The following CDH12 variants were observed in gnomAD, a reference collection of about 807,000 sequenced individuals.
CDH12 encodes the protein cadherin-12.
A neutral mutation model predicts 74.1 loss-of-function variants in CDH12; 41 were observed. That is an observed-to-expected ratio of 0.55 (90% CI 0.43 to 0.72). The LOEUF is 0.72. Among genes scored for constraint, CDH12 ranks in the 30% least tolerant of loss-of-function variants. The probability of loss-of-function intolerance (pLI) is 0.00; values close to 1 mark genes in which losing one functional copy is unlikely to be tolerated. For synonymous variants in CDH12, 399 were observed against 355.0 expected (o/e 1.12, Z -1.39); for missense variants, 945 against 977.2 (o/e 0.97, Z 0.44).
intron 1 of CDH12, among the ~76,000 whole-genome samples, chr5:22,752,649 G>T (rs1745650495): frequency 2.5e-5 from 1 of 40,080 alleles, no homozygotes; most frequent in Admixed American, 3.1e-4. Flanking sequence ...TCCTCTCACT[G>T]CAAGCTCCGC....
intron 6 of CDH12, chr5:21,882,555 CCG>C: frequency 1.5e-6 from 2 of 1,294,948 alleles, no homozygotes; most frequent in Non-Finnish European, 2.2e-6. Flanking sequence ...ACCTGTCTCG[CCG>C]CGCGCATGCC....
chr5:22,459,615 C>T (rs1298527794), intron 2 of CDH12, among the ~76,000 whole-genome samples: 1 of 151,930 alleles, frequency 6.6e-6, no homozygotes, highest in Non-Finnish European at 1.5e-5. Flanking sequence ...ATAGAGAAAA[C>T]CATAATCCAT....
chr5:22,008,444 G>A (rs924632271), intron 5 of CDH12, among the ~76,000 whole-genome samples: 1 of 151,940 alleles, frequency 6.6e-6, no homozygotes. Flanking sequence ...GGCCAGGCTG[G>A]TCTCCAACTC....
intron 12 of CDH12, among the ~76,000 whole-genome samples, chr5:21,762,569 T>A (rs1351311748): frequency 6.6e-6 from 1 of 152,072 alleles, no homozygotes; most frequent in East Asian, 1.9e-4. Context: ...CAATGGACAT[T>A]TCAGGGTTAT....
intron 3 of CDH12, among the ~76,000 whole-genome samples, chr5:22,292,567 A>G (rs1423700322): frequency 6.6e-6 from 1 of 151,862 alleles, no homozygotes; most frequent in Admixed American, 6.6e-5. Context: ...AAACAAACAA[A>G]CAAAACAAAT....
chr5:21,826,646 T>C (rs538795964), intron 8 of CDH12, among the ~76,000 whole-genome samples: 10 of 152,266 alleles, frequency 6.6e-5, no homozygotes, highest in African/African-American at 1.9e-4. Context: ...TTCTTTCATG[T>C]AGCGGGGAAA....
At chr5:21,774,210 C>T (rs368315303) in intron 11 of CDH12, among the ~76,000 whole-genome samples, 8 of 152,184 alleles carry the variant, frequency 5.3e-5, no homozygotes, top group Non-Finnish European at 2.9e-5. Flanking sequence ...CAGCTGCCAG[C>T]GTGGCTAGGA....
At chr5:22,145,504 C>A (rs555865724) in intron 4 of CDH12, among the ~76,000 whole-genome samples, 3 of 152,062 alleles carry the variant, frequency 2.0e-5, no homozygotes, top group Admixed American at 1.3e-4. Context: ...AAATAAAACT[C>A]TAAGGCAGTT....
chr5:22,243,381 A>C (rs890426165), intron 3 of CDH12, among the ~76,000 whole-genome samples: 31 of 152,318 alleles, frequency 2.0e-4, no homozygotes, highest in African/African-American at 6.7e-4. Context: ...AGAGATTAAG[A>C]GTAAATATAA....
chr5:22,374,914 A>G (rs1580580203), intron 3 of CDH12, among the ~76,000 whole-genome samples: 1 of 152,100 alleles, frequency 6.6e-6, no homozygotes, highest in South Asian at 2.1e-4. Context: ...TGCAATCTCT[A>G]TCAAATTATC....
At chr5:22,437,574 A>G (rs1403322397) in intron 2 of CDH12, among the ~76,000 whole-genome samples, 1 of 102,130 alleles carries the variant, frequency 9.8e-6, no homozygotes, top group Non-Finnish European at 2.1e-5. Context: ...AATAAATAAA[A>G]ATAATTCCAA....
intron 6 of CDH12, among the ~76,000 whole-genome samples, chr5:21,887,352 C>T (rs1018206112): frequency 6.6e-5 from 10 of 152,108 alleles, no homozygotes; most frequent in African/African-American, 2.4e-4. Flanking sequence ...AAATGCATGA[C>T]TATAATATCA....
intron 4 of CDH12, among the ~76,000 whole-genome samples, chr5:22,096,454 C>G (rs1743787242): frequency 1.3e-5 from 2 of 152,014 alleles, no homozygotes; most frequent in Admixed American, 1.3e-4. Flanking sequence ...TCTTTCTAAT[C>G]TTCCTTTTCT....
intron 1 of CDH12, among the ~76,000 whole-genome samples, chr5:22,749,889 A>G (rs1191408357): frequency 6.6e-6 from 1 of 152,242 alleles, no homozygotes; most frequent in Non-Finnish European, 1.5e-5. Context: ...GTATGTTAGC[A>G]TTATTTTTGA....
intron 1 of CDH12, among the ~76,000 whole-genome samples, chr5:22,681,226 GGGGTGTGTGT>G (rs1205438197): frequency 2.6e-5 from 1 of 38,292 alleles, no homozygotes; most frequent in East Asian, 9.2e-4. Context: ...TGGGTATTGG[GGGGTGTGTGT>G]GTGTGTGTGT....
intron 1 of CDH12, among the ~76,000 whole-genome samples, chr5:22,734,870 A>C (rs1744606666): frequency 6.6e-6 from 1 of 151,922 alleles, no homozygotes. Context: ...CAACATGAGA[A>C]ATTTATGTAA....
intron 4 of CDH12, among the ~76,000 whole-genome samples, chr5:22,137,410 C>T (rs1440032031): frequency 6.6e-6 from 1 of 152,002 alleles, no homozygotes; most frequent in Non-Finnish European, 1.5e-5. Context: ...CTCTCTCCCT[C>T]TCTCTGGATG....
intron 3 of CDH12, among the ~76,000 whole-genome samples, chr5:22,292,531 C>A (rs1341149019): frequency 1.3e-5 from 2 of 151,808 alleles, no homozygotes; most frequent in Non-Finnish European, 2.9e-5. Context: ...AAATGAGGAA[C>A]TGAACTCAAT....
At chr5:22,557,950 G>C in intron 1 of CDH12, among the ~76,000 whole-genome samples, 1 of 152,042 alleles carries the variant, frequency 6.6e-6, no homozygotes, top group East Asian at 1.9e-4. Flanking sequence ...GTCCAAAAAA[G>C]ATAATAATGC....
Sources: allele counts gnomAD v4.1 joint callset (sites outside exome capture counted in the v4.1 genomes callset), GRCh38; gene constraint gnomAD v4.1.1; transcripts MANE v1.5; gene names NCBI Gene and HGNC (gene_info 2026-07-23, HGNC 2026-07-21).